PAK3: variants seen among roughly 807,000 people sequenced by gnomAD.
PAK3 encodes the protein p21 (RAC1) activated kinase 3.
A neutral mutation model predicts 41.0 loss-of-function variants in PAK3; 4 were observed. That is an observed-to-expected ratio of 0.10 (90% CI 0.05 to 0.22). The LOEUF (loss-of-function observed/expected upper bound fraction) is 0.22, where lower values mean the gene tolerates loss of function less well. Ranked by LOEUF, PAK3 falls within the 10% of genes least tolerant of loss-of-function variation. The pLI is 1.00. For synonymous variants in PAK3, 146 were observed against 139.6 expected, an observed-to-expected ratio of 1.05 and a Z score of -0.32; for missense variants, 205 against 409.9, an observed-to-expected ratio of 0.50 and a Z score of 4.32.
chrX:110,982,235 G>T (rs1273125884), intron 1 of PAK3, among the ~76,000 whole-genome samples: 2 of 111,683 alleles, frequency 1.8e-5, no homozygotes, highest in Non-Finnish European at 3.8e-5. Context: ...GCTGAAAATA[G>T]AACGATATAT....
intron 11 of PAK3, among the ~76,000 whole-genome samples, chrX:111,173,831 A>C (rs7886027): frequency 0.15 from 16,465 of 111,314 alleles, 2,470 homozygotes; most frequent in African/African-American, 0.47. Flanking sequence ...CAGGCCTCAA[A>C]GTGAAACTAG....
intron 1 of PAK3, among the ~76,000 whole-genome samples, chrX:110,977,647 A>G (rs1400399199): frequency 9.0e-6 from 1 of 111,603 alleles, no homozygotes; most frequent in Admixed American, 9.5e-5. Context: ...TAAATATTTT[A>G]TTTTTTGATG....
At chrX:111,176,848 T>C (rs968932973) in intron 11 of PAK3, among the ~76,000 whole-genome samples, 8 of 111,320 alleles carry the variant, frequency 7.2e-5, no homozygotes, top group African/African-American at 2.6e-4. Flanking sequence ...ATCTATTTAC[T>C]ATGATTTTAT....
At chrX:111,060,472 C>T (rs960902528) in intron 1 of PAK3, among the ~76,000 whole-genome samples, 1 of 111,543 alleles carries the variant, frequency 9.0e-6, no homozygotes, top group South Asian at 3.7e-4. Flanking sequence ...CCCTCCTCTT[C>T]TGGTTTTGGA....
chrX:111,176,192 G>A (rs2094401965), intron 11 of PAK3, among the ~76,000 whole-genome samples: 1 of 111,080 alleles, frequency 9.0e-6, no homozygotes, highest in African/African-American at 3.3e-5. Context: ...CTCCGTCTCT[G>A]TGGGTCTGTT....
intron 10 of PAK3, among the ~76,000 whole-genome samples, chrX:111,172,300 T>G (rs1323794733): frequency 8.9e-6 from 1 of 112,040 alleles, no homozygotes; most frequent in Non-Finnish European, 1.9e-5. Context: ...TCTGGTTTTA[T>G]TGTATATTTT....
At chrX:111,108,375 G>C (rs1017258372) in intron 4 of PAK3, among the ~76,000 whole-genome samples, 5 of 111,991 alleles carry the variant, frequency 4.5e-5, no homozygotes, top group Admixed American at 9.4e-5. Context: ...CCTCCTCCAA[G>C]AGACAGCTTA....
At chrX:111,012,806 G>A (rs2092030558) in intron 1 of PAK3, among the ~76,000 whole-genome samples, 1 of 111,465 alleles carries the variant, frequency 9.0e-6, no homozygotes, top group Non-Finnish European at 1.9e-5. Context: ...TTTGAGACAG[G>A]GTCTTTCACT....
chrX:110,993,783 T>C (rs914259430), intron 1 of PAK3, among the ~76,000 whole-genome samples: 2 of 111,745 alleles, frequency 1.8e-5, no homozygotes, highest in Non-Finnish European at 3.8e-5. Flanking sequence ...TAAGGTGATA[T>C]TGGCTTGTTG....
chrX:111,030,192 T>G (rs936617984), intron 1 of PAK3, among the ~76,000 whole-genome samples: 5 of 111,863 alleles, frequency 4.5e-5, no homozygotes, highest in African/African-American at 1.3e-4. Context: ...ATATATTTTA[T>G]GCATTCATAA....
chrX:111,167,319 G>A (rs1175079234), intron 10 of PAK3, among the ~76,000 whole-genome samples: 2 of 110,908 alleles, frequency 1.8e-5, no homozygotes, highest in Admixed American at 9.7e-5. Flanking sequence ...AAGGGAAACA[G>A]GCAGGCAGAA....
intron 4 of PAK3, among the ~76,000 whole-genome samples, chrX:111,113,180 A>G (rs749094565): frequency 2.7e-5 from 3 of 111,668 alleles, no homozygotes; most frequent in East Asian, 2.8e-4. Context: ...CTCAAGCGCT[A>G]TATCCTCTGA....
chrX:111,159,196 A>C (rs987204865), intron 8 of PAK3, among the ~76,000 whole-genome samples: 1 of 109,834 alleles, frequency 9.1e-6, no homozygotes, highest in East Asian at 2.8e-4. Flanking sequence ...GTAAATACTC[A>C]AGAATTTTTG....
intron 1 of PAK3, among the ~76,000 whole-genome samples, chrX:111,006,849 C>CTTTCTTTCTTTCTGTCT (rs1556434441): frequency 2.3e-5 from 1 of 42,726 alleles, no homozygotes; most frequent in Non-Finnish European, 4.4e-5. Flanking sequence ...TTCTTTCTTT[C>CTTTCTTTCTTTCTGTCT]TTTTTTTTTT....
At chrX:111,081,321 C>A (rs1269262662) in intron 1 of PAK3, among the ~76,000 whole-genome samples, 1 of 111,091 alleles carries the variant, frequency 9.0e-6, no homozygotes, top group Admixed American at 9.6e-5. Context: ...CTAGCCTGGG[C>A]AACATGGCAA....
chrX:111,161,389 G>A (rs2094186048), intron 8 of PAK3, among the ~76,000 whole-genome samples: 1 of 111,079 alleles, frequency 9.0e-6, no homozygotes, highest in African/African-American at 3.3e-5. Context: ...TGAGTAGGTT[G>A]CAAAAATTTT....
upstream of PAK3, among the ~76,000 whole-genome samples, chrX:111,092,438 G>A (rs772661510): frequency 9.9e-5 from 11 of 111,636 alleles, no homozygotes; most frequent in African/African-American, 3.3e-4. Flanking sequence ...TACACGTGCT[G>A]TTCTGCATTT....
At chrX:110,983,481 A>AGAGAGAGAGAGAGAGG (rs1273356028) in intron 1 of PAK3, among the ~76,000 whole-genome samples, 2 of 2,400 alleles carry the variant, frequency 8.3e-4, no homozygotes, top group Non-Finnish European at 0.056. Context: ...AGAGAAAGAC[A>AGAGAGAGAGAGAGAGG]GAGAGAGAGA....
At chrX:111,101,121 C>T (rs746591140) in intron 3 of PAK3, among the ~76,000 whole-genome samples, 2 of 112,181 alleles carry the variant, frequency 1.8e-5, no homozygotes, top group Non-Finnish European at 3.8e-5. Flanking sequence ...ATGATATTAA[C>T]AGGACACTGT....
Sources: gnomAD v4.1 joint callset for allele counts (sites outside exome capture counted in the v4.1 genomes callset) on GRCh38, gnomAD v4.1.1 for gene constraint, MANE v1.5 for transcripts, NCBI Gene and HGNC (gene_info 2026-07-23, HGNC 2026-07-21) for gene names.